Variants in ANKRD31 observed in about 807,000 individuals in gnomAD.
ANKRD31 encodes ankyrin repeat domain 31.
In ANKRD31, 147 loss-of-function variants were observed where a neutral mutation model predicts 186.0. That is an observed-to-expected ratio of 0.79 (90% confidence interval 0.69 to 0.91). ANKRD31 has a LOEUF of 0.91. ANKRD31 is among the 40% of genes least tolerant of loss of function. The pLI is 0.00. For missense variants in ANKRD31, 1,986 were observed against 2,148.8 expected, an observed-to-expected ratio of 0.92 and a Z score of 1.50; for synonymous variants, 673 against 736.4, an observed-to-expected ratio of 0.91 and a Z score of 1.39.
intron 1 of ANKRD31, among the ~76,000 whole-genome samples, chr5:75,231,134 T>A (rs1245024753): frequency 2.0e-5 from 3 of 152,176 alleles, no homozygotes; most frequent in Admixed American, 2.0e-4. Flanking sequence ...TGTAGTGCAG[T>A]GGCATGAACT....
intron 23 of ANKRD31, 75 bp from the exon 24 acceptor site, chr5:75,084,449 G>A: frequency 8.8e-7 from 1 of 1,138,214 alleles, no homozygotes; most frequent in Admixed American, 2.0e-5. Flanking sequence ...CCTGAACATT[G>A]TAATTTTTAT....
chr5:75,169,776 C>T (rs1753186274), intron 10 of ANKRD31, among the ~76,000 whole-genome samples: 1 of 152,152 alleles, frequency 6.6e-6, no homozygotes, highest in South Asian at 2.1e-4. Flanking sequence ...TCTCAGAACA[C>T]TCATCATAAA....
chr5:75,200,075 C>T (rs1314280900), intron 5 of ANKRD31, among the ~76,000 whole-genome samples: 1 of 152,044 alleles, frequency 6.6e-6, no homozygotes, highest in Non-Finnish European at 1.5e-5. Flanking sequence ...TGGAGTTAGG[C>T]ATGAAAAGAA....
intron 15 of ANKRD31, among the ~76,000 whole-genome samples, chr5:75,140,223 AAAAG>A (rs1482802716): frequency 3.9e-5 from 5 of 126,734 alleles, no homozygotes; most frequent in East Asian, 2.7e-4. Context: ...AAAAGAAAAG[AAAAG>A]AAAGAAAGAA....
intron 17 of ANKRD31, among the ~76,000 whole-genome samples, chr5:75,135,716 C>T (rs1216339044): frequency 6.6e-6 from 1 of 152,166 alleles, no homozygotes; most frequent in African/African-American, 2.4e-5. Flanking sequence ...CAAGACAATC[C>T]TAAGCAAAAA....
At chr5:75,128,847 AT>A (rs1749482563) in intron 17 of ANKRD31, among the ~76,000 whole-genome samples, 2 of 152,050 alleles carry the variant, frequency 1.3e-5, no homozygotes, top group Admixed American at 6.6e-5. Context: ...TTTTCCCTCT[AT>A]AAAAAACCAG....
chr5:75,213,141 A>G (rs1756755470), intron 3 of ANKRD31, among the ~76,000 whole-genome samples: 1 of 152,224 alleles, frequency 6.6e-6, no homozygotes. Flanking sequence ...GGCTTTACAG[A>G]GCTCAGAGGC....
At chr5:75,119,805 T>G (rs1302245753) in intron 17 of ANKRD31, among the ~76,000 whole-genome samples, 3 of 152,228 alleles carry the variant, frequency 2.0e-5, no homozygotes, top group Non-Finnish European at 2.9e-5. Context: ...TGCGAGATGA[T>G]ATCTCATTCT....
intron 10 of ANKRD31, among the ~76,000 whole-genome samples, chr5:75,178,076 T>G (rs993118785): frequency 6.6e-6 from 1 of 151,920 alleles, no homozygotes; most frequent in Non-Finnish European, 1.5e-5. Context: ...AAGGCAGGGG[T>G]TGCAATCTGA....
At chr5:75,106,992 A>G (rs1316356274) in intron 21 of ANKRD31, among the ~76,000 whole-genome samples, 1 of 151,984 alleles carries the variant, frequency 6.6e-6, no homozygotes, top group Admixed American at 6.6e-5. Context: ...ATTAAAAACT[A>G]ATAAAAAATA....
At chr5:75,090,878 A>G (rs1745874076) in intron 23 of ANKRD31, among the ~76,000 whole-genome samples, 1 of 152,232 alleles carries the variant, frequency 6.6e-6, no homozygotes, top group African/African-American at 2.4e-5. Flanking sequence ...TCATTAGAAT[A>G]ATAACATATT....
At chr5:75,208,367 A>G (rs1369161730) in intron 4 of ANKRD31, among the ~76,000 whole-genome samples, 2 of 152,158 alleles carry the variant, frequency 1.3e-5, no homozygotes, top group Non-Finnish European at 2.9e-5. Flanking sequence ...GAAAATTGAA[A>G]GGCCTGAGAA....
intron 19 of ANKRD31, among the ~76,000 whole-genome samples, chr5:75,113,120 CTGATCCTTCTCTTTCCCTA>C (rs1192146999): frequency 1.4e-4 from 21 of 152,276 alleles, no homozygotes; most frequent in Non-Finnish European, 2.2e-4. Flanking sequence ...TCACTCTGCC[CTGATCCTTCTCTTTCCCTA>C]TGAGAGAGAG....
At position 75,100,716 on chromosome 5, in the gene ANKRD31, G is replaced by A. The variant is rs186563635; in HGVS notation, c.5331+3512C>T. On this transcript the variant is annotated intron_variant, in intron 22 of 25. Coordinates refer to ENST00000506364, the MANE Select transcript of ANKRD31 (RefSeq NM_001372053.1). ...CTCTTTTGATCTTTGTTGGTTTAAAGTCTGTTTTATCAGAGATTAGGACTG... is the reference window on the plus strand; with the variant it reads ...CTCTTTTGATCTTTGTTGGTTTAAAATCTGTTTTATCAGAGATTAGGACTG... Among the ~76,000 whole-genome samples the A allele has an allele frequency of 7.9e-3, 1,199 of 152,236 alleles. 24 individuals carry two copies. The highest frequency in any genetic ancestry group is 0.027 in the African/African-American group (1,108 of 41,524).
At chr5:75,087,814 G>C (rs1745617644) in intron 23 of ANKRD31, among the ~76,000 whole-genome samples, 1 of 152,126 alleles carries the variant, frequency 6.6e-6, no homozygotes, top group Non-Finnish European at 1.5e-5. Context: ...GTTTCAAAGT[G>C]CAAAAACTGC....
intron 17 of ANKRD31, among the ~76,000 whole-genome samples, chr5:75,120,684 G>A (rs552414931): frequency 7.2e-5 from 11 of 151,978 alleles, no homozygotes; most frequent in South Asian, 2.1e-4. Context: ...TCACAAAGAC[G>A]CAGAAGAAAA....
rs1752530490 is a variant in ANKRD31 at position 75,160,901 on chromosome 5, A to G, written c.1708-6556T>C. 2.0e-5 allele frequency among the ~76,000 whole-genome samples: 3 copies of G among 152,288 alleles called. No homozygotes were observed. In the South Asian group the frequency reaches 6.2e-4, roughly 32 times the overall value. The stretch of plus-strand genomic sequence containing the variant: ...TCTCTCTTGCTGCTGCCATGTAAGA[A>G]GTGCTTTTCCCCTTATGCCATGATT... On this transcript the variant is annotated intron_variant, in intron 11 of 25. Transcript: ENST00000506364.
chr5:75,140,678 C>T (rs1750988476), intron 15 of ANKRD31, among the ~76,000 whole-genome samples: 1 of 152,166 alleles, frequency 6.6e-6, no homozygotes, highest in Admixed American at 6.5e-5. Context: ...AGCAGACTTG[C>T]TGTATTGCCT....
intron 2 of ANKRD31, among the ~76,000 whole-genome samples, chr5:75,229,681 A>G (rs1757824160): frequency 6.6e-6 from 1 of 151,976 alleles, no homozygotes; most frequent in Non-Finnish European, 1.5e-5. Flanking sequence ...CCTGGCCAAT[A>G]TGGTGAAACC....
Sources: gnomAD v4.1 joint callset for allele counts (sites outside exome capture counted in the v4.1 genomes callset) on GRCh38, gnomAD v4.1.1 for gene constraint, MANE v1.5 for transcripts, NCBI Gene and HGNC (gene_info 2026-07-23, HGNC 2026-07-21) for gene names.